CPSF3: variants seen among roughly 807,000 people sequenced by gnomAD.
The protein encoded by CPSF3 is cleavage and polyadenylation specific factor 3.
Under a neutral mutation model 84.1 loss-of-function variants are expected in CPSF3, and 57 were observed. The ratio of observed to expected loss-of-function variants is 0.68; its 90% CI spans 0.55 to 0.85. The LOEUF is 0.85. Among genes scored for constraint, CPSF3 ranks in the 40% least tolerant of loss-of-function variants. CPSF3 has a pLI of 0.00. For missense variants in CPSF3, 522 were observed against 838.8 expected, an observed-to-expected ratio of 0.62 and a Z score of 4.66; for synonymous variants, 275 against 278.1, an observed-to-expected ratio of 0.99 and a Z score of 0.11.
At chr2:9,433,756 C>T in intron 5 of CPSF3, 115 bp from the exon 6 acceptor site, 1 of 682,286 alleles carries the variant, frequency 1.5e-6, no homozygotes, top group Non-Finnish European at 2.6e-6. Context: ...TAAATTTCAT[C>T]AGTTTTAGAC....
At chr2:9,426,652 A>G (rs1680403486) in intron 1 of CPSF3, among the ~76,000 whole-genome samples, 1 of 152,160 alleles carries the variant, frequency 6.6e-6, no homozygotes, top group Non-Finnish European at 1.5e-5. Flanking sequence ...TATGTGAAGG[A>G]AACAGGAAAG....
chr2:9,459,637 CCTTT>C lies in CPSF3; in HGVS notation c.1786+20_1786+23del. ...AGAAAAGGTAAGAGTTCATTTTTAT[CCTTT>C]TTTTTTTTTTTTTTTTTTTTTTTTT... On this transcript the variant is annotated intron_variant, in intron 15 of 17. Coordinates refer to ENST00000238112, the MANE Select transcript of CPSF3 (RefSeq NM_016207.4). The C allele has an allele frequency of 1.3e-5, 6 of 464,316 alleles. No homozygotes were observed. Among genetic ancestry groups the C allele is most frequent in the South Asian group, 3.3e-5 (1 of 30,298 alleles). 28.8% of individuals were successfully genotyped at this position (464,316 alleles called of 1,614,324 possible). A position where few individuals can be genotyped will look rare whatever the true frequency, so the allele number is the denominator to read the frequency against.
intron 15 of CPSF3, among the ~76,000 whole-genome samples, chr2:9,466,350 GCGCACA>G (rs1394959158): frequency 6.3e-4 from 68 of 108,228 alleles, no homozygotes; most frequent in African/African-American, 2.9e-3. Context: ...ACGCGCGCGC[GCGCACA>G]CACACACGCA....
chr2:9,427,742 G>C (rs1170209359), intron 1 of CPSF3, among the ~76,000 whole-genome samples: 1 of 152,106 alleles, frequency 6.6e-6, no homozygotes, highest in African/African-American at 2.4e-5. Context: ...TTGGCAAATA[G>C]AAGCTGCTTA....
At chr2:9,445,477 G>T (rs1681098687) in intron 10 of CPSF3, among the ~76,000 whole-genome samples, 1 of 152,118 alleles carries the variant, frequency 6.6e-6, no homozygotes, top group East Asian at 1.9e-4. Context: ...GCAGTCTTTT[G>T]TTCGTTTTTG....
At chr2:9,443,382 GTTATA>G in intron 9 of CPSF3, 128 bp from the exon 10 acceptor site, 1 of 786,950 alleles carries the variant, frequency 1.3e-6, no homozygotes, top group Non-Finnish European at 2.0e-6. Flanking sequence ...TACTGAGTCA[GTTATA>G]TTAGAATGAT....
Position 9,466,352 on chromosome 2 carries a change from G to T in CPSF3, c.1787-1355G>T, listed in dbSNP as rs868183342. ...GACGCACGCACACACGCGCGCGCGCGCACACACACACGCACACACCCACGC... is the reference window on the plus strand; with the variant it reads ...GACGCACGCACACACGCGCGCGCGCTCACACACACACGCACACACCCACGC... On this transcript the variant is annotated intron_variant, in intron 15 of 17. Transcript: ENST00000238112. 5.5e-3 allele frequency among the ~76,000 whole-genome samples: 712 copies of T among 129,136 alleles called. 6 individuals carry two copies. Among genetic ancestry groups the T allele is most frequent in the African/African-American group, 0.022 (685 of 30,960 alleles). 84.7% of individuals were successfully genotyped at this position (129,136 alleles called of 152,430 possible). A position where few individuals can be genotyped will look rare whatever the true frequency, so the allele number is the denominator to read the frequency against.
At chr2:9,438,001 C>CA (rs899620708) in intron 7 of CPSF3, among the ~76,000 whole-genome samples, 1 of 151,802 alleles carries the variant, frequency 6.6e-6, no homozygotes, top group Non-Finnish European at 1.5e-5. Context: ...GACCCTGTCT[C>CA]AAAAAAAAGC....
chr2:9,459,432 TC>T (rs1406939654), intron 14 of CPSF3, 98 bp from the exon 15 acceptor site: 1 of 754,512 alleles, frequency 1.3e-6, no homozygotes, highest in Non-Finnish European at 2.4e-6. Context: ...AAGCAGTAGT[TC>T]CATATGTACA....
intron 1 of CPSF3, chr2:9,424,186 T>TGAGCCGGTGACAGG (rs1316148006): frequency 9.7e-7 from 1 of 1,031,830 alleles, no homozygotes; most frequent in Non-Finnish European, 1.2e-6. Flanking sequence ...CGGTGAAGCT[T>TGAGCCGGTGACAGG]ATGACCGACA....
At chr2:9,465,705 C>T (rs1360551560) in intron 15 of CPSF3, among the ~76,000 whole-genome samples, 1 of 152,182 alleles carries the variant, frequency 6.6e-6, no homozygotes, top group Non-Finnish European at 1.5e-5. Context: ...TAAGGCCCCC[C>T]ATCCTTCTAA....
intron 15 of CPSF3, among the ~76,000 whole-genome samples, chr2:9,462,972 G>A (rs1003707189): frequency 2.6e-5 from 4 of 152,182 alleles, no homozygotes; most frequent in Admixed American, 2.6e-4. Flanking sequence ...CTGGGATGAT[G>A]AAGTGTTTGC....
chr2:9,440,820 G>T (rs145779452), intron 8 of CPSF3, among the ~76,000 whole-genome samples, 154 bp downstream of exon 8: 19 of 152,220 alleles, frequency 1.2e-4, no homozygotes, highest in African/African-American at 3.9e-4. Flanking sequence ...GTTTGAGACC[G>T]GCCTGGGCAA....
intron 4 of CPSF3, among the ~76,000 whole-genome samples, chr2:9,431,531 T>TA (rs202064001): frequency 0.29 from 29,982 of 104,308 alleles, 4,049 homozygotes; most frequent in Non-Finnish European, 0.37. Context: ...ATATACATAT[T>TA]TTTTTTTTCT....
At chr2:9,466,214 A>ACACGCACGCACACACACACGCGCGCG (rs1681910778) in intron 15 of CPSF3, among the ~76,000 whole-genome samples, 2 of 149,898 alleles carry the variant, frequency 1.3e-5, no homozygotes, top group African/African-American at 5.0e-5. Context: ...ACACGCGCAC[A>ACACGCACGCACACACACACGCGCGCG]CACGCACGCA....
chr2:9,434,755 G>T (rs555676929), intron 6 of CPSF3, among the ~76,000 whole-genome samples: 26 of 152,288 alleles, frequency 1.7e-4, no homozygotes, highest in African/African-American at 4.8e-4. Flanking sequence ...AAGCTCTTTG[G>T]GGGCAGCTTG....
rs1221756332 is a variant in CPSF3 at position 9,466,404 on chromosome 2, A to G, written c.1787-1303A>G. Among the ~76,000 whole-genome samples the G allele has an allele frequency of 2.8e-5, 4 of 143,624 alleles. No homozygotes were observed. In the South Asian group the frequency reaches 6.3e-4, roughly 23 times the overall value. The allele number at this position is 143,624 out of a possible 152,430, so 94.2% of individuals were successfully genotyped here. On this transcript the variant is annotated intron_variant, in intron 15 of 17. Transcript: ENST00000238112. ...CTCGCACACACGCGCACACACACGC[A>G]CGCGCACACACGCACACGCGCACAC...
intron 15 of CPSF3, among the ~76,000 whole-genome samples, chr2:9,467,302 G>A (rs986159541): frequency 2.0e-5 from 3 of 152,068 alleles, no homozygotes; most frequent in Non-Finnish European, 2.9e-5. Flanking sequence ...TCACATTTTA[G>A]ATAAAAGACT....
rs1476150181 is a variant in CPSF3, at chr2:9,448,301, G to A, written c.1346G>A (p.Arg449Gln). ...GTTCACATAGAGGTTCATAATCCTCGGAATACAGAAGCAGTGACCTTAAAC... is the reference window on the plus strand; with the variant it reads ...GTTCACATAGAGGTTCATAATCCTCAGAATACAGAAGCAGTGACCTTAAAC... Reference protein sequence around the residue: ...DEVHIEVHNPRNTEAVTLNFR... With the variant: ...DEVHIEVHNPQNTEAVTLNFR... The change falls in exon 11 of 18, where the codon CGG (arginine) becomes CAG (glutamine). Residue 449 changes from arginine (R) to glutamine (Q), a missense_variant. By Grantham distance (43) the Arg-to-Gln change is conservative. Coordinates refer to ENST00000238112, the MANE Select transcript of CPSF3 (RefSeq NM_016207.4). 3.7e-6 allele frequency: 6 copies of A among 1,613,030 alleles called. No homozygotes were observed. The highest frequency in any genetic ancestry group is 2.2e-5 in the East Asian group (1 of 44,838).
Sources: allele counts gnomAD v4.1 joint callset (sites outside exome capture counted in the v4.1 genomes callset), GRCh38; gene constraint gnomAD v4.1.1; transcripts MANE v1.5; gene names NCBI Gene and HGNC (gene_info 2026-07-23, HGNC 2026-07-21).